The following DRD2 variants were observed in gnomAD, a reference collection of about 807,000 sequenced individuals.
The protein encoded by DRD2 is D(2) dopamine receptor.
Under a neutral mutation model 38.0 loss-of-function variants are expected in DRD2, and 8 were observed. That is an observed-to-expected ratio of 0.21 (90% CI 0.12 to 0.38). The LOEUF (loss-of-function observed/expected upper bound fraction) is 0.38. Among genes scored for constraint, DRD2 ranks in the 10% least tolerant of loss-of-function variants. The probability of loss-of-function intolerance (pLI) is 1.00; values close to 1 mark genes in which losing one functional copy is unlikely to be tolerated. For missense variants in DRD2, 403 were observed against 607.7 expected (o/e 0.66, Z 3.54); for synonymous variants, 230 against 238.6 (o/e 0.96, Z 0.33).
intron 5 of DRD2, chr11:113,415,215 G>A: frequency 6.0e-6 from 3 of 499,180 alleles, no homozygotes; most frequent in Non-Finnish European, 1.0e-5. Context: ...TAGTGTCATG[G>A]ACCCTGCCTC....
intron 2 of DRD2, among the ~76,000 whole-genome samples, chr11:113,424,024 G>A (rs1054834594): frequency 6.6e-6 from 1 of 152,178 alleles, no homozygotes; most frequent in African/African-American, 2.4e-5. Flanking sequence ...TGATGCTGCA[G>A]CAGTTACTTA....
chr11:113,457,964 C>A, intron 1 of DRD2, among the ~76,000 whole-genome samples: 1 of 152,274 alleles, frequency 6.6e-6, no homozygotes, highest in East Asian at 1.9e-4. Flanking sequence ...AGGCCAGCAG[C>A]AGCCTGGGCT....
intron 1 of DRD2, among the ~76,000 whole-genome samples, chr11:113,437,651 T>TCCAGGTGGAGC (rs1173577988): frequency 1.3e-5 from 2 of 151,572 alleles, no homozygotes; most frequent in East Asian, 3.9e-4. Context: ...CACGCTGGAG[T>TCCAGGTGGAGC]CCAGGTGGAG....
chr11:113,443,522 G>A lies in DRD2; in HGVS notation c.-31-18840C>T, dbSNP rs186970904. 9.4e-4 allele frequency among the ~76,000 whole-genome samples: 143 copies of A among 152,286 alleles called. 1 individual carries two copies. Among genetic ancestry groups the A allele is most frequent in the Non-Finnish European group, 1.7e-3 (113 of 68,034 alleles). On this transcript the variant is annotated intron_variant, in intron 1 of 7. Coordinates refer to ENST00000362072, the MANE Select transcript of DRD2 (RefSeq NM_000795.4). The stretch of plus-strand genomic sequence containing the variant: ...TTTTGGGCAGATTGGATTAACCATC[G>A]CTCTCCAATCACTGTTTTGGGAAAG...
At chr11:113,424,915 A>C in intron 1 of DRD2, 1 of 536,278 alleles carries the variant, frequency 1.9e-6, no homozygotes, top group Non-Finnish European at 3.4e-6. Context: ...GCATAATAAG[A>C]TGAGCTTGAA....
At chr11:113,455,130 C>T (rs1951256860) in intron 1 of DRD2, among the ~76,000 whole-genome samples, 1 of 152,042 alleles carries the variant, frequency 6.6e-6, no homozygotes. Context: ...GGATGGATCA[C>T]GAGGTCAGGA....
chr11:113,410,683 G>A lies in DRD2; in HGVS notation c.*44C>T, dbSNP rs777823444. ...GCAAGGGTGAGGCTGGCCGGCCTGG[G>A]CAGGGAGGTGGGAAGCAGGCTGCTG... On this transcript the variant is annotated 3_prime_UTR_variant, in exon 8 of 8. Coordinates refer to ENST00000362072, the MANE Select transcript of DRD2 (RefSeq NM_000795.4). 1.2e-6 allele frequency: 2 copies of A among 1,612,544 alleles called. No individual in the cohort carries two copies. Among genetic ancestry groups the A allele is most frequent in the African/African-American group, 1.3e-5 (1 of 75,028 alleles).
intron 7 of DRD2, 134 bp from the exon 8 acceptor site, chr11:113,411,054 A>T (rs2734841): frequency 6.5e-6 from 6 of 917,630 alleles, no homozygotes; most frequent in Admixed American, 2.7e-5. Flanking sequence ...GGAGGAGTCC[A>T]GGTCTTGGAT....
chr11:113,452,469 T>TGTGTGTGTGTGTGCGCGC (rs1210531875), intron 1 of DRD2, among the ~76,000 whole-genome samples: 2 of 118,836 alleles, frequency 1.7e-5, no homozygotes, highest in African/African-American at 7.2e-5. Flanking sequence ...TGTGTGTGTG[T>TGTGTGTGTGTGTGCGCGC]GCGCGCGCGC....
intron 4 of DRD2, among the ~76,000 whole-genome samples, chr11:113,416,340 C>T (rs1197701152): frequency 6.6e-6 from 1 of 152,224 alleles, no homozygotes; most frequent in Non-Finnish European, 1.5e-5. Flanking sequence ...CTGAGACACT[C>T]CTGACTCTGC....
chr11:113,410,946 G>A (rs1950763844), intron 7 of DRD2, 26 bp from the exon 8 acceptor site: 2 of 1,595,966 alleles, frequency 1.3e-6, no homozygotes, highest in Middle Eastern at 1.7e-4. Context: ...TGGTCAGGCT[G>A]GTCCCCAGAG....
intron 2 of DRD2, among the ~76,000 whole-genome samples, chr11:113,419,477 C>T (rs1306972262): frequency 1.0e-4 from 12 of 114,788 alleles, no homozygotes; most frequent in East Asian, 2.4e-4. Flanking sequence ...CACACATGAA[C>T]GCACCGCCCT....
intron 1 of DRD2, among the ~76,000 whole-genome samples, chr11:113,427,063 C>T (rs1187437188): frequency 6.6e-6 from 1 of 152,244 alleles, no homozygotes; most frequent in Non-Finnish European, 1.5e-5. Flanking sequence ...CTCCCTGCTG[C>T]TGATGATAGC....
intron 1 of DRD2, among the ~76,000 whole-genome samples, chr11:113,465,391 G>A (rs1591304003): frequency 6.7e-6 from 1 of 148,728 alleles, no homozygotes; most frequent in East Asian, 2.0e-4. Context: ...CACCATGCCT[G>A]GCCAGTTTTT....
rs1950762284 is a variant in DRD2 at position 113,410,826 on chromosome 11, G to A, written c.1233C>T (p.Phe411=). 1 of 1,614,100 alleles carries A rather than the reference G, an allele frequency of 6.2e-7. No homozygotes were observed. The highest frequency in any genetic ancestry group is 1.1e-5 in the South Asian group (1 of 91,092). Residue 411 remains phenylalanine (F), a synonymous_variant, in exon 8 of 8, where the codon TTC becomes TTT. Transcript: ENST00000362072. ...CNIPPVLYSA[F]TWLGYVNSAV... The stretch of plus-strand genomic sequence containing the variant: ...CGCTGTTGACATAGCCCAGCCACGT[G>A]AAGGCGCTGTACAGGACAGGCGGGA...
intron 1 of DRD2, among the ~76,000 whole-genome samples, chr11:113,448,974 C>T (rs904703270): frequency 6.6e-6 from 1 of 152,240 alleles, no homozygotes; most frequent in Non-Finnish European, 1.5e-5. Flanking sequence ...GCCATGGCTT[C>T]AGGCTCATGT....
chr11:113,414,541 T>A (rs1383196749), intron 5 of DRD2, 80 bp from the exon 6 acceptor site: 1 of 1,464,626 alleles, frequency 6.8e-7, no homozygotes, highest in Non-Finnish European at 9.6e-7. Flanking sequence ...CAGCAGTCCA[T>A]GGAACTCAGA....
chr11:113,414,447 G>C lies in DRD2; in HGVS notation c.738C>G (p.His246Gln), dbSNP rs1265251425. 6.2e-7 allele frequency: 1 copy of C among 1,614,176 alleles called. No individual in the cohort carries two copies. Among genetic ancestry groups the C allele is most frequent in the South Asian group, 1.1e-5 (1 of 91,082 alleles). The change falls in exon 6 of 8, where the codon CAC becomes CAG. Residue 246 changes from histidine (H) to glutamine (Q), a missense_variant. By Grantham distance (24) the His-to-Gln change is conservative. Transcript: ENST00000362072. Reference sequence around the variant, plus strand: ...CGGTGCAGAGTTTCATGTCCTCGGGGTGAGTACAGTTGCCCTGTGGAGTGA... The same window carrying C: ...CGGTGCAGAGTTTCATGTCCTCGGGCTGAGTACAGTTGCCCTGTGGAGTGA... ...LRAPLKGNCTHPEDMKLCTVI... is the reference protein window; with the variant it reads ...LRAPLKGNCTQPEDMKLCTVI...
intron 1 of DRD2, among the ~76,000 whole-genome samples, chr11:113,451,214 C>T (rs1056610974): frequency 6.6e-6 from 1 of 152,232 alleles, no homozygotes; most frequent in Non-Finnish European, 1.5e-5. Flanking sequence ...AATAAGGCAG[C>T]AAGCCCACCT....
Sources: gnomAD v4.1 joint callset for allele counts (sites outside exome capture counted in the v4.1 genomes callset) on GRCh38, gnomAD v4.1.1 for gene constraint, MANE v1.5 for transcripts, NCBI Gene and HGNC (gene_info 2026-07-23, HGNC 2026-07-21) for gene names.